PARP8: variants seen among roughly 807,000 people sequenced by gnomAD.
PARP8 encodes the protein protein mono-ADP-ribosyltransferase PARP8.
Under a neutral mutation model 124.1 loss-of-function variants are expected in PARP8, and 51 were observed. The observed-to-expected ratio is 0.41, with a 90% CI of 0.33 to 0.52. The LOEUF (loss-of-function observed/expected upper bound fraction) is 0.52. Among genes scored for constraint, PARP8 ranks in the 20% least tolerant of loss-of-function variants. The pLI is 0.21. For synonymous variants in PARP8, 391 were observed against 361.5 expected (o/e 1.08, Z -0.93); for missense variants, 860 against 1,018.9 (o/e 0.84, Z 2.12).
intron 2 of PARP8, among the ~76,000 whole-genome samples, chr5:50,708,974 CAG>C (rs144131322): frequency 0.53 from 80,044 of 151,434 alleles, 23,113 homozygotes; most frequent in East Asian, 0.64. Context: ...TTTGTAGAGA[CAG>C]GGGTCTCAAT....
intron 2 of PARP8, among the ~76,000 whole-genome samples, chr5:50,691,422 C>T (rs956037047): frequency 3.3e-5 from 5 of 152,126 alleles, no homozygotes; most frequent in African/African-American, 1.2e-4. Context: ...TTTGGAAGTG[C>T]GCTCCTCTCT....
At chr5:50,793,876 G>C (rs534072919) in intron 10 of PARP8, among the ~76,000 whole-genome samples, 36 of 152,004 alleles carry the variant, frequency 2.4e-4, no homozygotes, top group African/African-American at 8.7e-4. Flanking sequence ...TCAAGTTGTT[G>C]ATCCTGAAGG....
At chr5:50,778,150 A>G in intron 8 of PARP8, 21 bp downstream of exon 8, 1 of 1,489,220 alleles carries the variant, frequency 6.7e-7, no homozygotes, top group Non-Finnish European at 9.3e-7. Flanking sequence ...ATTTTATGTA[A>G]TATGAATGGT....
chr5:50,682,263 A>C (rs1433368828), intron 2 of PARP8, among the ~76,000 whole-genome samples: 1 of 152,150 alleles, frequency 6.6e-6, no homozygotes, highest in Non-Finnish European at 1.5e-5. Context: ...AAAAAGCGTG[A>C]ATCAATACAC....
At chr5:50,775,553 AAG>A (rs1739912850) in intron 7 of PARP8, among the ~76,000 whole-genome samples, 1 of 152,180 alleles carries the variant, frequency 6.6e-6, no homozygotes, top group South Asian at 2.1e-4. Context: ...AAACCGTGGA[AAG>A]AGAGAGAAGA....
chr5:50,795,562 G>T, intron 12 of PARP8, 145 bp downstream of exon 12: 2 of 652,756 alleles, frequency 3.1e-6, no homozygotes, highest in East Asian at 3.0e-5. Context: ...ATATTGTTTT[G>T]CATCCCATAC....
chr5:50,684,204 T>G (rs1751604126), intron 2 of PARP8, among the ~76,000 whole-genome samples: 1 of 152,146 alleles, frequency 6.6e-6, no homozygotes, highest in South Asian at 2.1e-4. Context: ...TCTTTGGGTT[T>G]GAAAAGAAAT....
At chr5:50,777,194 G>A (rs961480501) in intron 7 of PARP8, among the ~76,000 whole-genome samples, 1 of 152,124 alleles carries the variant, frequency 6.6e-6, no homozygotes, top group Non-Finnish European at 1.5e-5. Context: ...TCTGTAAAGC[G>A]GAGATGGCAG....
intron 21 of PARP8, among the ~76,000 whole-genome samples, chr5:50,828,993 C>A (rs1160939907): frequency 1.3e-5 from 2 of 152,122 alleles, no homozygotes; most frequent in African/African-American, 2.4e-5. Flanking sequence ...CATTATCATG[C>A]ACAAAGTAAA....
At chr5:50,821,430 A>G (rs1482202232) in intron 16 of PARP8, 92 bp downstream of exon 16, 2 of 1,387,670 alleles carry the variant, frequency 1.4e-6, no homozygotes, top group African/African-American at 1.4e-5. Flanking sequence ...TCCTCTTTCT[A>G]TCTAAATCTC....
intron 14 of PARP8, among the ~76,000 whole-genome samples, chr5:50,804,433 C>T (rs1743592660): frequency 6.6e-6 from 1 of 152,072 alleles, no homozygotes; most frequent in Admixed American, 6.6e-5. Context: ...TAAATTTAAC[C>T]CTTTTCCCAT....
At chr5:50,841,447 G>A (rs1748167536) in intron 25 of PARP8, among the ~76,000 whole-genome samples, 2 of 149,592 alleles carry the variant, frequency 1.3e-5, no homozygotes, top group East Asian at 1.9e-4. Context: ...GTTACAGTCA[G>A]ACTAAATAGT....
intron 15 of PARP8, 38 bp from the exon 16 acceptor site, chr5:50,821,175 C>A (rs746914017): frequency 6.2e-7 from 1 of 1,611,688 alleles, no homozygotes; most frequent in Non-Finnish European, 8.5e-7. Context: ...CTGGATAAAA[C>A]CTGAAGGGTA....
At chr5:50,815,380 G>A in intron 14 of PARP8, 52 bp from the exon 15 acceptor site, 1 of 1,266,614 alleles carries the variant, frequency 7.9e-7, no homozygotes, top group Non-Finnish European at 1.1e-6. Context: ...ATTTAATTTT[G>A]ATATTGAGAG....
chr5:50,722,185 T>G (rs1266512173), intron 2 of PARP8, among the ~76,000 whole-genome samples: 2 of 152,144 alleles, frequency 1.3e-5, no homozygotes, highest in Non-Finnish European at 2.9e-5. Context: ...TTTAAAATTA[T>G]ATATAGTTGT....
chr5:50,673,591 G>C (rs1047399183), intron 2 of PARP8, among the ~76,000 whole-genome samples: 2 of 152,218 alleles, frequency 1.3e-5, no homozygotes, highest in African/African-American at 4.8e-5. Flanking sequence ...ACATTTCAGT[G>C]TAAGTCAATG....
In PARP8 at chr5:50,693,367, A is replaced by G. The variant is rs1209532062; in HGVS notation, c.146+25242A>G. 7.2e-5 allele frequency among the ~76,000 whole-genome samples: 11 copies of G among 152,290 alleles called. No homozygotes were observed. The East Asian group carries it at 7.7e-4, about 11-fold the overall frequency. On this transcript the variant is annotated intron_variant, in intron 2 of 25. Transcript: ENST00000281631. ...TTGTTCTGAAGCTCTTAGGAAATTAAACCTCTCCAGGTGTTGCTGATTGTG... is the reference window on the plus strand; with the variant it reads ...TTGTTCTGAAGCTCTTAGGAAATTAGACCTCTCCAGGTGTTGCTGATTGTG...
At chr5:50,683,568 G>A (rs1285285265) in intron 2 of PARP8, among the ~76,000 whole-genome samples, 4 of 152,032 alleles carry the variant, frequency 2.6e-5, no homozygotes, top group African/African-American at 4.8e-5. Context: ...TAATATTGCC[G>A]GTCTCAGCAA....
chr5:50,840,404 G>T (rs912929790), intron 25 of PARP8, among the ~76,000 whole-genome samples: 1 of 151,778 alleles, frequency 6.6e-6, no homozygotes, highest in Non-Finnish European at 1.5e-5. Context: ...TGATTAGTTG[G>T]GTTTAGGCAC....
Sources: allele counts gnomAD v4.1 joint callset (sites outside exome capture counted in the v4.1 genomes callset), GRCh38; gene constraint gnomAD v4.1.1; transcripts MANE v1.5; gene names NCBI Gene and HGNC (gene_info 2026-07-23, HGNC 2026-07-21).